The following PECR variants were observed in gnomAD, a reference collection of about 807,000 sequenced individuals.
PECR encodes 2,4-dienoyl-CoA reductase-related protein.
In PECR, 30 loss-of-function variants were observed where a neutral mutation model predicts 35.3. The observed-to-expected ratio is 0.85, with a 90% CI of 0.64 to 1.15. PECR has a LOEUF of 1.15. Among genes scored for constraint, PECR ranks in the 50% most tolerant of loss-of-function variants. The probability of loss-of-function intolerance (pLI) is 0.00; values close to 1 mark genes in which losing one functional copy is unlikely to be tolerated. For missense variants in PECR, 392 were observed against 370.8 expected, an observed-to-expected ratio of 1.06 and a Z score of -0.47; for synonymous variants, 148 against 138.9, an observed-to-expected ratio of 1.07 and a Z score of -0.46.
intron 3 of PECR, among the ~76,000 whole-genome samples, chr2:216,060,345 T>C (rs1020248921): frequency 6.6e-6 from 1 of 152,114 alleles, no homozygotes; most frequent in Non-Finnish European, 1.5e-5. Flanking sequence ...TGAACACATG[T>C]AGTACCCAAA....
In PECR at chr2:216,081,729, C is replaced by G. The variant is rs763580233; in HGVS notation, c.13G>C (p.Ala5Pro). 2 of 1,613,264 alleles carry G rather than the reference C, an allele frequency of 1.2e-6. No individual in the cohort carries two copies. The highest frequency in any genetic ancestry group is 1.7e-6 in the Non-Finnish European group (2 of 1,179,888). ...GGCGCCAGGTAGCTCCTGCCCTTAGCCCAGGAGGCCATCCCTGCAGCGGGG... is the reference window on the plus strand; with the variant it reads ...GGCGCCAGGTAGCTCCTGCCCTTAGGCCAGGAGGCCATCCCTGCAGCGGGG... MASWAKGRSYLAPGL... is the reference protein window; with the variant it reads MASWPKGRSYLAPGL... Residue 5 changes from alanine (A) to proline (P), a missense_variant, in exon 1 of 8, where the codon GCT becomes CCT. By Grantham distance (27) the Ala-to-Pro change is conservative. Transcript: ENST00000265322.
At chr2:216,047,827 G>A (rs114085527) in intron 6 of PECR, among the ~76,000 whole-genome samples, 4,198 of 152,184 alleles carry the variant, frequency 0.028, 78 homozygotes, top group Non-Finnish European at 0.042. Flanking sequence ...AGGGAAACCT[G>A]ACTTTTTAAT....
intron 7 of PECR, among the ~76,000 whole-genome samples, chr2:216,031,290 C>A (rs1241007703): frequency 6.6e-6 from 1 of 151,824 alleles, no homozygotes; most frequent in African/African-American, 2.4e-5. Context: ...GCCTGTAAAC[C>A]CAGCTACTTG....
chr2:216,072,059 C>G (rs1695599854), intron 1 of PECR, among the ~76,000 whole-genome samples: 1 of 152,214 alleles, frequency 6.6e-6, no homozygotes, highest in Non-Finnish European at 1.5e-5. Flanking sequence ...AAGATGAGGT[C>G]TCACTGTGTT....
At chr2:216,044,102 A>C in intron 6 of PECR, 87 bp from the exon 7 acceptor site, 4 of 728,732 alleles carry the variant, frequency 5.5e-6, no homozygotes, top group Non-Finnish European at 7.6e-6. Flanking sequence ...AGGCATCTCA[A>C]AGCCCATGAT....
chr2:216,058,770 T>A, intron 4 of PECR, 125 bp downstream of exon 4: 1 of 651,914 alleles, frequency 1.5e-6, no homozygotes, highest in Non-Finnish European at 2.8e-6. Flanking sequence ...AAATGTTAAC[T>A]GTTAGAATCA....
At chr2:216,070,118 G>C (rs996782925) in intron 1 of PECR, among the ~76,000 whole-genome samples, 25 of 152,018 alleles carry the variant, frequency 1.6e-4, no homozygotes, top group Non-Finnish European at 3.4e-4. Context: ...CGAATGACTC[G>C]ACACACTTCA....
Position 216,049,352 on chromosome 2 carries a change from C to T in PECR, c.625G>A (p.Ala209Thr). Reference sequence around the variant, plus strand: ...CCCCAGGAACCATAGTTCTCCACAGCAGTCTGGGAATAAATAACTCCCTGT... The same window carrying T: ...CCCCAGGAACCATAGTTCTCCACAGTAGTCTGGGAATAAATAACTCCCTGT... ...VAPGVIYSQT[A>T]VENYGSWGQS... Residue 209 changes from alanine to threonine, a missense_variant, in exon 6 of 8, where the codon GCT becomes ACT. Physicochemically the swap from Ala to Thr is moderately conservative, Grantham distance 58 (BLOSUM62 0). Coordinates refer to ENST00000265322, the MANE Select transcript of PECR (RefSeq NM_018441.6). The T allele has an allele frequency of 6.4e-7, 1 of 1,561,784 alleles. No homozygotes were observed. The highest frequency in any genetic ancestry group is 8.8e-7 in the Non-Finnish European group (1 of 1,132,284).
intron 7 of PECR, among the ~76,000 whole-genome samples, chr2:216,043,376 C>G (rs1694933352): frequency 6.6e-6 from 1 of 152,092 alleles, no homozygotes; most frequent in Non-Finnish European, 1.5e-5. Flanking sequence ...TCCCAAAGTG[C>G]TGGGATTACA....
At chr2:216,041,596 G>C (rs967588397) in intron 7 of PECR, among the ~76,000 whole-genome samples, 2 of 152,188 alleles carry the variant, frequency 1.3e-5, no homozygotes, top group African/African-American at 4.8e-5. Context: ...CCAAAGTGAT[G>C]TGTTCTTATA....
intron 3 of PECR, among the ~76,000 whole-genome samples, chr2:216,063,713 CTTTT>C (rs1262713389): frequency 1.3e-5 from 2 of 151,066 alleles, no homozygotes; most frequent in Non-Finnish European, 3.0e-5. Context: ...ATTTGTTTTA[CTTTT>C]TTTTTATTTA....
At chr2:216,053,570 G>C in intron 4 of PECR, among the ~76,000 whole-genome samples, 1 of 152,002 alleles carries the variant, frequency 6.6e-6, no homozygotes, top group Admixed American at 6.6e-5. Flanking sequence ...TGGAATATTT[G>C]CATATACTAC....
At chr2:216,066,800 C>T (rs1318953084) in intron 1 of PECR, among the ~76,000 whole-genome samples, 3 of 152,130 alleles carry the variant, frequency 2.0e-5, no homozygotes, top group African/African-American at 4.8e-5. Flanking sequence ...GCAATCCTCC[C>T]ACCTGGCCTC....
rs1405173379 is a variant in PECR at position 216,049,244 on chromosome 2, T to G, written c.714+19A>C. On this transcript the variant is annotated intron_variant, in intron 6 of 7. Transcript: ENST00000265322. The stretch of plus-strand genomic sequence containing the variant: ...TATAACACACAGCAATTCTAATCAA[T>G]GCTGGAAATATACCTTACCTCCTCA... 1.0e-5 allele frequency: 12 copies of G among 1,154,892 alleles called. No homozygotes were observed. Among genetic ancestry groups the G allele is most frequent in the African/African-American group, 1.5e-5 (1 of 66,216 alleles). 71.5% of individuals were successfully genotyped at this position (1,154,892 alleles called of 1,614,324 possible).
intron 3 of PECR, chr2:216,063,916 G>T (rs554013981): frequency 6.6e-6 from 1 of 152,052 alleles, no homozygotes; most frequent in East Asian, 1.9e-4. Context: ...GTAGAGACGG[G>T]GTTTCACCGT....
chr2:216,046,293 CAT>C (rs1262407345), intron 6 of PECR, among the ~76,000 whole-genome samples: 83 of 98,412 alleles, frequency 8.4e-4, no homozygotes, highest in Middle Eastern at 6.5e-3. Flanking sequence ...TATATACATA[CAT>C]ATATATATAT....
downstream of PECR, among the ~76,000 whole-genome samples, chr2:216,033,412 C>T (rs1446613688): frequency 3.3e-5 from 5 of 152,154 alleles, no homozygotes; most frequent in Admixed American, 1.3e-4. Context: ...AGCTGGGATT[C>T]GAACCCAAGC....
chr2:216,061,373 T>C (rs936276636), intron 3 of PECR, among the ~76,000 whole-genome samples: 4 of 82,574 alleles, frequency 4.8e-5, no homozygotes, highest in Non-Finnish European at 1.1e-4. Flanking sequence ...TAAAAGTACA[T>C]AGGAAAACAG....
At chr2:216,079,181 GA>G (rs1695773189) in intron 1 of PECR, among the ~76,000 whole-genome samples, 1 of 140,262 alleles carries the variant, frequency 7.1e-6, no homozygotes, top group African/African-American at 2.7e-5. Flanking sequence ...TAAAAACATA[GA>G]TTTTTTTTTT....
Sources: gnomAD v4.1 joint callset for allele counts (sites outside exome capture counted in the v4.1 genomes callset) on GRCh38, gnomAD v4.1.1 for gene constraint, MANE v1.5 for transcripts, NCBI Gene and HGNC (gene_info 2026-07-23, HGNC 2026-07-21) for gene names.